Variants in DENND5B observed in about 807,000 individuals in gnomAD.
The protein encoded by DENND5B is DENN domain-containing protein 5B.
In DENND5B, 34 loss-of-function variants were observed where a neutral mutation model predicts 140.6. The observed-to-expected ratio is 0.24, with a 90% CI of 0.18 to 0.32. The LOEUF is 0.32. Ranked by LOEUF, DENND5B falls within the 10% of genes least tolerant of loss-of-function variation. The pLI is 1.00. For synonymous variants in DENND5B, 551 were observed against 562.1 expected (o/e 0.98, Z 0.28); for missense variants, 1,142 against 1,560.2 (o/e 0.73, Z 4.52).
chr12:31,388,338 C>T (rs1174132528), intron 20 of DENND5B, among the ~76,000 whole-genome samples: 1 of 148,956 alleles, frequency 6.7e-6, no homozygotes, highest in Non-Finnish European at 1.5e-5. Context: ...TTGCAATGGT[C>T]TAATAAATCA....
intron 2 of DENND5B, among the ~76,000 whole-genome samples, chr12:31,486,471 C>A (rs1308868767): frequency 1.3e-5 from 2 of 152,162 alleles, no homozygotes; most frequent in Non-Finnish European, 2.9e-5. Flanking sequence ...AAGAAAAACC[C>A]TTAGGTCAAA....
chr12:31,419,076 T>C (rs1565560507), intron 11 of DENND5B, among the ~76,000 whole-genome samples: 1 of 152,208 alleles, frequency 6.6e-6, no homozygotes, highest in Non-Finnish European at 1.5e-5. Context: ...GGTTAGGAAA[T>C]GGAACCACTT....
At chr12:31,467,888 CA>C (rs1444366464) in intron 3 of DENND5B, among the ~76,000 whole-genome samples, 3 of 151,880 alleles carry the variant, frequency 2.0e-5, no homozygotes, top group Non-Finnish European at 4.4e-5. Context: ...AAATTTAAAT[CA>C]ATTCAAAACA....
At chr12:31,528,518 T>C (rs1263922977) in intron 1 of DENND5B, among the ~76,000 whole-genome samples, 1 of 152,228 alleles carries the variant, frequency 6.6e-6, no homozygotes, top group Non-Finnish European at 1.5e-5. Context: ...AAAGTATCTC[T>C]GACCAAGGTG....
chr12:31,412,705 G>GC (rs1201266042), intron 13 of DENND5B, among the ~76,000 whole-genome samples: 1 of 152,112 alleles, frequency 6.6e-6, no homozygotes, highest in Non-Finnish European at 1.5e-5. Flanking sequence ...TGAATGCAAG[G>GC]CTCTCAGAAG....
chr12:31,507,795 C>T (rs1947261676), intron 1 of DENND5B, among the ~76,000 whole-genome samples: 1 of 152,070 alleles, frequency 6.6e-6, no homozygotes. Context: ...TAAATACAGC[C>T]ACGAAAACAA....
chr12:31,448,933 C>T (rs1944393328), intron 5 of DENND5B, among the ~76,000 whole-genome samples: 1 of 152,202 alleles, frequency 6.6e-6, no homozygotes, highest in African/African-American at 2.4e-5. Flanking sequence ...AGCTGTACAC[C>T]TTTCCTGTTA....
intron 5 of DENND5B, chr12:31,451,632 A>G (rs1473580007): frequency 1.7e-5 from 5 of 291,330 alleles, no homozygotes; most frequent in East Asian, 9.4e-5. Context: ...CTGAGTTTCT[A>G]TAATTTAAGC....
chr12:31,407,618 TA>T (rs1262251683), intron 14 of DENND5B, among the ~76,000 whole-genome samples: 2 of 152,162 alleles, frequency 1.3e-5, no homozygotes, highest in Admixed American at 1.3e-4. Context: ...TAGTGATATT[TA>T]TTGAGATTTT....
chr12:31,400,032 T>C (rs556223852), intron 15 of DENND5B, among the ~76,000 whole-genome samples: 1 of 152,300 alleles, frequency 6.6e-6, no homozygotes, highest in East Asian at 1.9e-4. Flanking sequence ...ATGTAAAAAG[T>C]GCTAGAAGAA....
In DENND5B at chr12:31,458,895, G is replaced by T. The variant is rs34800814; in HGVS notation, c.1092+1299C>A. Among the ~76,000 whole-genome samples the T allele has an allele frequency of 8.1e-3, 1,235 of 152,228 alleles. 7 individuals are homozygous for T. Among genetic ancestry groups the T allele is most frequent in the Non-Finnish European group, 0.014 (919 of 67,996 alleles). On this transcript the variant is annotated intron_variant, in intron 4 of 20. Coordinates refer to ENST00000389082, the MANE Select transcript of DENND5B (RefSeq NM_144973.4). ...TATTTCATTTCAAAGACCTTACATG[G>T]TAATCCTCAGTACCATTAACAATAA...
intron 4 of DENND5B, among the ~76,000 whole-genome samples, chr12:31,453,750 A>G (rs1944644651): frequency 6.6e-6 from 1 of 152,150 alleles, no homozygotes; most frequent in Non-Finnish European, 1.5e-5. Context: ...GGGGAAAGCA[A>G]CCAGTCGGGT....
chr12:31,525,602 C>G (rs890581241), intron 1 of DENND5B, among the ~76,000 whole-genome samples: 2 of 152,152 alleles, frequency 1.3e-5, no homozygotes, highest in African/African-American at 4.8e-5. Flanking sequence ...AATGGTTGCA[C>G]AACTCTGTGA....
intron 1 of DENND5B, among the ~76,000 whole-genome samples, chr12:31,585,505 G>A (rs1950366720): frequency 6.6e-6 from 1 of 152,212 alleles, no homozygotes; most frequent in Admixed American, 6.5e-5. Flanking sequence ...TGAAATGCTT[G>A]TTGAATGAGT....
rs966577175 is a variant in DENND5B at position 31,382,830 on chromosome 12, T to A, written c.*4773A>T. 2 of 152,142 alleles carry A rather than the reference T, an allele frequency of 1.3e-5. No individual in the cohort carries two copies. The highest frequency in any genetic ancestry group is 2.4e-5 in the African/African-American group (1 of 41,428). The allele number at this position is 152,142 out of a possible 1,614,324, so 9.4% of individuals were successfully genotyped here. On this transcript the variant is annotated 3_prime_UTR_variant, in exon 21 of 21. Transcript: ENST00000389082. ...TTTGGAGAGGAGGTTCTCCTTAGAT[T>A]CTTTTGATCACACTACATCAGCAAC...
chr12:31,395,942 C>CAAAAAAA lies in DENND5B; in HGVS notation c.3256+2226_3256+2232dup, dbSNP rs541816511. On this transcript the variant is annotated intron_variant, in intron 17 of 20. Coordinates refer to ENST00000389082, the MANE Select transcript of DENND5B (RefSeq NM_144973.4). ...AGTCAAAATTTAGTTATCACTGGGC[C>CAAAAAAA]AAAAAAAAAAAAAAAAAAAAAGCAA... Among the ~76,000 whole-genome samples the CAAAAAAA allele has an allele frequency of 4.6e-4, 42 of 91,746 alleles. No homozygotes were observed. In the East Asian group the frequency reaches 5.9e-3, roughly 13 times the overall value. The allele number at this position is 91,746 out of a possible 152,430, so 60.2% of individuals were successfully genotyped here.
intron 7 of DENND5B, among the ~76,000 whole-genome samples, chr12:31,436,624 T>C (rs553166186): frequency 6.6e-6 from 1 of 152,108 alleles, no homozygotes; most frequent in South Asian, 2.1e-4. Flanking sequence ...AACCTCTGCC[T>C]CCCAGGTTCA....
rs551729005 is a variant in DENND5B at position 31,416,413 on chromosome 12, G to A, written c.2471-965C>T. Among the ~76,000 whole-genome samples, 14 of 151,938 alleles carry A rather than the reference G, an allele frequency of 9.2e-5. No homozygotes were observed. In the East Asian group the frequency reaches 1.4e-3, roughly 15 times the overall value. On this transcript the variant is annotated intron_variant, in intron 11 of 20. Transcript: ENST00000389082. ...CGAGTAGCTGGGACTACAGGAGTGC[G>A]CCACCACGCCCAGCTAATTTTTGTA...
chr12:31,446,928 G>A (rs1220817137), intron 6 of DENND5B, among the ~76,000 whole-genome samples: 1 of 150,164 alleles, frequency 6.7e-6, no homozygotes, highest in African/African-American at 2.5e-5. Flanking sequence ...AGAAACATAA[G>A]TAGCAAGACA....
Sources: gnomAD v4.1 joint callset for allele counts (sites outside exome capture counted in the v4.1 genomes callset) on GRCh38, gnomAD v4.1.1 for gene constraint, MANE v1.5 for transcripts, NCBI Gene and HGNC (gene_info 2026-07-23, HGNC 2026-07-21) for gene names.